The following DIP2B variants were observed in gnomAD, a reference collection of about 807,000 sequenced individuals.
DIP2B encodes disco-interacting protein 2 homolog B.
Under a neutral mutation model 198.0 loss-of-function variants are expected in DIP2B, and 76 were observed. The observed-to-expected ratio is 0.38, with a 90% CI of 0.32 to 0.46. The LOEUF is 0.46. DIP2B is among the 20% of genes least tolerant of loss of function. The pLI is 0.99. For synonymous variants in DIP2B, 701 were observed against 739.1 expected, an observed-to-expected ratio of 0.95 and a Z score of 0.84; for missense variants, 1,559 against 1,978.4, an observed-to-expected ratio of 0.79 and a Z score of 4.02.
chr12:50,604,329 CTAA>C lies in DIP2B; in HGVS notation c.101-21646_101-21644del, dbSNP rs541395542. ...CAACCTCATTTCATTTTCTTGTGAGCTAACGTTGTCAAGTGACTGTGTATATAT... is the reference window on the plus strand; with the variant it reads ...CAACCTCATTTCATTTTCTTGTGAGCCGTTGTCAAGTGACTGTGTATATAT... On this transcript the variant is annotated intron_variant, in intron 1 of 37. Coordinates refer to ENST00000301180, the MANE Select transcript of DIP2B (RefSeq NM_173602.3). Among the ~76,000 whole-genome samples the C allele has an allele frequency of 4.9e-4, 74 of 152,258 alleles. 3 individuals are homozygous for C. In the East Asian group the frequency reaches 0.014, roughly 29 times the overall value.
chr12:50,589,952 G>GT (rs1365911902), intron 1 of DIP2B, among the ~76,000 whole-genome samples: 2 of 152,122 alleles, frequency 1.3e-5, no homozygotes, highest in African/African-American at 4.8e-5. Flanking sequence ...ACTGGTGAAA[G>GT]TAAGGGGGCA....
intron 1 of DIP2B, among the ~76,000 whole-genome samples, chr12:50,511,654 T>A (rs115971483): frequency 0.013 from 1,940 of 151,724 alleles, 48 homozygotes; most frequent in African/African-American, 0.045. Flanking sequence ...AAATTTTTTT[T>A]AAAGTAGAAA....
chr12:50,628,098 G>A (rs1055946808), intron 2 of DIP2B, among the ~76,000 whole-genome samples: 1 of 152,122 alleles, frequency 6.6e-6, no homozygotes, highest in African/African-American at 2.4e-5. Context: ...TGGGCCGAGC[G>A]TGGAGGCTCA....
chr12:50,589,716 G>C (rs1462151940), intron 1 of DIP2B, among the ~76,000 whole-genome samples: 1 of 152,116 alleles, frequency 6.6e-6, no homozygotes. Context: ...CATTGACACA[G>C]GCAAGCAGGG....
chr12:50,635,714 GT>G (rs1174653563), intron 2 of DIP2B, among the ~76,000 whole-genome samples: 2 of 152,152 alleles, frequency 1.3e-5, no homozygotes, highest in Non-Finnish European at 2.9e-5. Context: ...GCCTCCTGGA[GT>G]AGTCTGTAAC....
At chr12:50,599,564 C>T (rs537121264) in intron 1 of DIP2B, among the ~76,000 whole-genome samples, 9 of 152,050 alleles carry the variant, frequency 5.9e-5, no homozygotes, top group South Asian at 2.1e-4. Context: ...TTGAGTGAGC[C>T]GAGATTGCGC....
At chr12:50,640,695 A>C in intron 2 of DIP2B, 29 bp from the exon 3 acceptor site, 1 of 1,610,382 alleles carries the variant, frequency 6.2e-7, no homozygotes. Context: ...CTGTTACTGG[A>C]TAACCATCTT....
intron 21 of DIP2B, among the ~76,000 whole-genome samples, chr12:50,707,128 A>G (rs1939528352): frequency 6.6e-6 from 1 of 152,226 alleles, no homozygotes. Context: ...TTCAAATTCC[A>G]TGGACAAAGT....
intron 1 of DIP2B, among the ~76,000 whole-genome samples, chr12:50,598,517 T>G (rs1277493106): frequency 6.6e-6 from 1 of 151,894 alleles, no homozygotes; most frequent in Non-Finnish European, 1.5e-5. Context: ...TGCTCTAAAA[T>G]GTATCCTTTT....
intron 7 of DIP2B, among the ~76,000 whole-genome samples, 199 bp downstream of exon 7, chr12:50,675,647 G>A (rs991626235): frequency 6.6e-6 from 1 of 152,130 alleles, no homozygotes; most frequent in African/African-American, 2.4e-5. Flanking sequence ...GAAGGAAGAA[G>A]AGGGAAGAAA....
intron 37 of DIP2B, among the ~76,000 whole-genome samples, chr12:50,744,286 G>A (rs1940308692): frequency 6.6e-6 from 1 of 152,168 alleles, no homozygotes. Context: ...ATAGGTGTGA[G>A]CCACCGCGCC....
intron 22 of DIP2B, among the ~76,000 whole-genome samples, chr12:50,712,812 G>T (rs1771206548): frequency 6.6e-6 from 1 of 152,152 alleles, no homozygotes; most frequent in Admixed American, 6.5e-5. Flanking sequence ...GGAGACTGAG[G>T]CAGGAGAATT....
intron 1 of DIP2B, among the ~76,000 whole-genome samples, chr12:50,604,518 C>G (rs1440839531): frequency 6.6e-6 from 1 of 152,084 alleles, no homozygotes; most frequent in Non-Finnish European, 1.5e-5. Flanking sequence ...CAGTGGCATG[C>G]ATGTTCATGG....
chr12:50,676,228 A>G (rs994525864), intron 7 of DIP2B, among the ~76,000 whole-genome samples: 8 of 152,194 alleles, frequency 5.3e-5, no homozygotes, highest in African/African-American at 1.9e-4. Flanking sequence ...ATCTAGACAA[A>G]TAGATCTACC....
At chr12:50,602,857 C>CAAAA (rs71086464) in intron 1 of DIP2B, among the ~76,000 whole-genome samples, 1 of 91,490 alleles carries the variant, frequency 1.1e-5, no homozygotes, top group Non-Finnish European at 2.2e-5. Context: ...GACTCTGTCT[C>CAAAA]AAAAAAAAAA....
At chr12:50,631,559 A>G (rs1938054878) in intron 2 of DIP2B, among the ~76,000 whole-genome samples, 1 of 152,076 alleles carries the variant, frequency 6.6e-6, no homozygotes, top group African/African-American at 2.4e-5. Flanking sequence ...CAGCTTCCCC[A>G]GTAGCTGGGA....
At chr12:50,568,462 G>A (rs768128099) in intron 1 of DIP2B, among the ~76,000 whole-genome samples, 18 of 152,144 alleles carry the variant, frequency 1.2e-4, no homozygotes, top group Non-Finnish European at 2.4e-4. Flanking sequence ...GGCTTGCCTG[G>A]CTCTTTCAGC....
At chr12:50,693,696 C>T (rs917597786) in intron 14 of DIP2B, among the ~76,000 whole-genome samples, 1 of 152,032 alleles carries the variant, frequency 6.6e-6, no homozygotes, top group African/African-American at 2.4e-5. Flanking sequence ...GTTAAAAATC[C>T]TTTTGAGGAG....
At chr12:50,599,211 A>G (rs1047397489) in intron 1 of DIP2B, among the ~76,000 whole-genome samples, 11 of 150,784 alleles carry the variant, frequency 7.3e-5, no homozygotes, top group Admixed American at 5.3e-4. Context: ...AGGATTGCCT[A>G]AGCTCTGGAG....
Sources: allele counts gnomAD v4.1 joint callset (sites outside exome capture counted in the v4.1 genomes callset), GRCh38; gene constraint gnomAD v4.1.1; transcripts MANE v1.5; gene names NCBI Gene and HGNC (gene_info 2026-07-23, HGNC 2026-07-21).